EPSTI1: variants seen among roughly 807,000 people sequenced by gnomAD.
EPSTI1 encodes epithelial-stromal interaction protein 1.
In EPSTI1, 66 loss-of-function variants were observed where a neutral mutation model predicts 49.9. The ratio of observed to expected loss-of-function variants is 1.32; its 90% CI spans 1.08 to 1.62. EPSTI1 has a LOEUF of 1.62. Among genes scored for constraint, EPSTI1 ranks in the 40% most tolerant of loss-of-function variants. EPSTI1 has a pLI of 0.00. For synonymous variants in EPSTI1, 137 were observed against 130.7 expected, an observed-to-expected ratio of 1.05 and a Z score of -0.33; for missense variants, 394 against 365.5, an observed-to-expected ratio of 1.08 and a Z score of -0.64.
Position 42,970,693 on chromosome 13 carries a change from T to C in EPSTI1, c.189-23A>G, listed in dbSNP as rs547046635. The C allele has an allele frequency of 5.0e-5, 77 of 1,550,892 alleles. No individual in the cohort carries two copies. The South Asian group carries it at 8.2e-4, about 16-fold the overall frequency. ...GTGCTAAAAGGAAGAGAAAAAAAAA[T>C]GCTTATTACCATGAGAAACTACCAA... On this transcript the variant is annotated intron_variant, in intron 1 of 10. Coordinates refer to ENST00000313624, the MANE Select transcript of EPSTI1 (RefSeq NM_033255.5).
chr13:42,934,751 G>A, intron 6 of EPSTI1: 1 of 186,338 alleles, frequency 5.4e-6, no homozygotes, highest in Non-Finnish European at 1.2e-5. Context: ...CCCCATGCCA[G>A]CATTGCCCCC....
intron 8 of EPSTI1, among the ~76,000 whole-genome samples, chr13:42,912,316 G>T (rs1334986216): frequency 6.6e-6 from 1 of 152,180 alleles, no homozygotes; most frequent in Non-Finnish European, 1.5e-5. Flanking sequence ...CAGCTTGGTG[G>T]TGGGTTCTTT....
chr13:42,952,958 C>A (rs1456452673), intron 6 of EPSTI1, among the ~76,000 whole-genome samples: 1 of 152,142 alleles, frequency 6.6e-6, no homozygotes, highest in Non-Finnish European at 1.5e-5. Context: ...TATGCTCACC[C>A]CAACATCTGA....
chr13:42,940,368 T>A (rs2153425347), intron 6 of EPSTI1, among the ~76,000 whole-genome samples: 1 of 152,346 alleles, frequency 6.6e-6, no homozygotes, highest in East Asian at 1.9e-4. Flanking sequence ...CTAGTACCAT[T>A]ATGTTCTCTT....
At position 42,888,216 on chromosome 13, in the gene EPSTI1, T is replaced by C. The variant is rs45505295; in HGVS notation, c.*278A>G. 0.15 allele frequency: 235,211 copies of C among 1,604,748 alleles called. 19,363 individuals are homozygous for C. Among genetic ancestry groups the C allele is most frequent in the East Asian group, 0.31 (14,064 of 44,676 alleles). On this transcript the variant is annotated 3_prime_UTR_variant, in exon 11 of 11. Transcript: ENST00000313624. ...AGCATCAAGTGACTCCCTCTTTTTC[T>C]ACCCTACCAACATCACTCTAATTAT...
At chr13:42,919,061 G>A (rs1429888608) in intron 7 of EPSTI1, among the ~76,000 whole-genome samples, 1 of 152,110 alleles carries the variant, frequency 6.6e-6, no homozygotes, top group Non-Finnish European at 1.5e-5. Context: ...TTTAGTTAAA[G>A]CAAAATTACA....
At position 42,894,998 on chromosome 13, in the gene EPSTI1, A is replaced by G. The variant is rs757081377; in HGVS notation, c.915+11T>C. 6 of 1,597,168 alleles carry G rather than the reference A, an allele frequency of 3.8e-6. No homozygotes were observed. The African/African-American group carries it at 6.8e-5, about 18-fold the overall frequency. On this transcript the variant is annotated intron_variant, in intron 10 of 10. Transcript: ENST00000313624. Reference sequence around the variant, plus strand: ...ATTGAAAGATGATTTAAGAGAAAAGAAAAAACTCACCCAGCTGTTACCGCT... The same window carrying G: ...ATTGAAAGATGATTTAAGAGAAAAGGAAAAACTCACCCAGCTGTTACCGCT...
intron 6 of EPSTI1, among the ~76,000 whole-genome samples, chr13:42,941,754 A>C (rs2038758676): frequency 1.3e-5 from 2 of 150,938 alleles, no homozygotes; most frequent in African/African-American, 2.4e-5. Flanking sequence ...GGAGGTTACC[A>C]AGAGTCTTTG....
rs866367722 is a variant in EPSTI1 at position 42,966,624 on chromosome 13, C to T, written c.331+2470G>A. The stretch of plus-strand genomic sequence containing the variant: ...CTGAGAAGTGAGGAGCCTCTCCGCC[C>T]GGCAGCCACCCCATCTGGGAAGTAA... On this transcript the variant is annotated intron_variant, in intron 3 of 10. Coordinates refer to ENST00000313624, the MANE Select transcript of EPSTI1 (RefSeq NM_033255.5). Among the ~76,000 whole-genome samples the T allele has an allele frequency of 0.051, 3,381 of 66,598 alleles. 1,008 individuals are homozygous for T. The East Asian group carries it at 0.71, about 14-fold the overall frequency. The allele number at this position is 66,598 out of a possible 152,430, so 43.7% of individuals were successfully genotyped here. A position where few individuals can be genotyped will look rare whatever the true frequency, so the allele number is the denominator to read the frequency against.
chr13:42,955,969 C>T (rs888756939), intron 5 of EPSTI1, among the ~76,000 whole-genome samples: 3 of 151,186 alleles, frequency 2.0e-5, no homozygotes, highest in African/African-American at 2.4e-5. Flanking sequence ...GTTATATGCT[C>T]GGTACCATGT....
intron 5 of EPSTI1, among the ~76,000 whole-genome samples, chr13:42,960,707 A>G (rs2039421693): frequency 6.6e-6 from 1 of 152,212 alleles, no homozygotes; most frequent in South Asian, 2.1e-4. Flanking sequence ...GGAGGCTCAA[A>G]GGGAAATAAT....
At chr13:42,934,850 A>G (rs1594678425) in intron 6 of EPSTI1, 3 of 200,232 alleles carry the variant, frequency 1.5e-5, no homozygotes, top group South Asian at 1.0e-4. Flanking sequence ...AGATCTTTCT[A>G]CCTGCCATTC....
intron 6 of EPSTI1, chr13:42,934,638 G>A (rs995362278): frequency 1.9e-5 from 3 of 155,428 alleles, no homozygotes; most frequent in African/African-American, 4.9e-5. Context: ...TTGGGGGGAC[G>A]TTGTAATGGT....
intron 6 of EPSTI1, chr13:42,934,052 C>T: frequency 5.0e-6 from 1 of 202,016 alleles, no homozygotes; most frequent in African/African-American, 2.3e-5. Context: ...TACATGAAAC[C>T]ATACCTTCAT....
chr13:42,988,826 A>G (rs958839691), intron 1 of EPSTI1, among the ~76,000 whole-genome samples: 2 of 148,190 alleles, frequency 1.3e-5, no homozygotes. Flanking sequence ...TTACTAGTAT[A>G]CTTTCTTTCT....
In EPSTI1 at chr13:42,992,025, G is replaced by C. The variant is rs1406489231; in HGVS notation, c.141C>G (p.Ala47=). ...VEDQREGLEA[A]PKGPSRESVV... Reference sequence around the variant, plus strand: ...CGCTCTCCCGCGAAGGGCCCTTAGGGGCTGCCTCCAAACCCTCTCTCTGGT... The same window carrying C: ...CGCTCTCCCGCGAAGGGCCCTTAGGCGCTGCCTCCAAACCCTCTCTCTGGT... The change falls in exon 1 of 11, where the codon GCC becomes GCG. Residue 47 remains alanine (A), a synonymous_variant. Coordinates refer to ENST00000313624, the MANE Select transcript of EPSTI1 (RefSeq NM_033255.5). 1 of 1,613,362 alleles carries C rather than the reference G, an allele frequency of 6.2e-7. No individual in the cohort carries two copies. The highest frequency in any genetic ancestry group is 1.3e-5 in the African/African-American group (1 of 74,926).
intron 6 of EPSTI1, among the ~76,000 whole-genome samples, chr13:42,944,826 C>T (rs1594699447): frequency 1.3e-5 from 2 of 152,120 alleles, no homozygotes; most frequent in African/African-American, 2.4e-5. Context: ...CATGTCTGAA[C>T]ACAGAAAAAT....
chr13:42,939,468 C>T (rs1213878312), intron 6 of EPSTI1, among the ~76,000 whole-genome samples: 3 of 152,018 alleles, frequency 2.0e-5, no homozygotes, highest in African/African-American at 7.3e-5. Context: ...GCTTATGGGC[C>T]ATTGTAGGGT....
chr13:42,983,292 G>A (rs532351972), intron 1 of EPSTI1, among the ~76,000 whole-genome samples: 3 of 152,230 alleles, frequency 2.0e-5, no homozygotes, highest in African/African-American at 4.8e-5. Flanking sequence ...AGGGCTGGGC[G>A]CAGTGGCTCA....
Sources: gnomAD v4.1 joint callset for allele counts (sites outside exome capture counted in the v4.1 genomes callset) on GRCh38, gnomAD v4.1.1 for gene constraint, MANE v1.5 for transcripts, NCBI Gene and HGNC (gene_info 2026-07-23, HGNC 2026-07-21) for gene names.